The following MTUS2 variants were observed in gnomAD, a reference collection of about 807,000 sequenced individuals.
MTUS2 encodes the protein microtubule associated scaffold protein 2.
In MTUS2, 40 loss-of-function variants were observed where a neutral mutation model predicts 114.1. The ratio of observed to expected loss-of-function variants is 0.35; its 90% confidence interval spans 0.27 to 0.46. The LOEUF (loss-of-function observed/expected upper bound fraction) is 0.46, where lower values mean the gene tolerates loss of function less well. Among genes scored for constraint, MTUS2 ranks in the 20% least tolerant of loss-of-function variants. The pLI is 1.00. For missense variants in MTUS2, 1,679 were observed against 1,705.4 expected (o/e 0.98, Z 0.27); for synonymous variants, 688 against 672.0 (o/e 1.02, Z -0.37).
At chr13:29,295,953 G>T (rs1566115186) in intron 6 of MTUS2, among the ~76,000 whole-genome samples, 1 of 152,080 alleles carries the variant, frequency 6.6e-6, no homozygotes, top group Non-Finnish European at 1.5e-5. Flanking sequence ...TAACATGTGG[G>T]GATTATGGTA....
intron 5 of MTUS2, among the ~76,000 whole-genome samples, chr13:29,244,955 CAAAAAAAAA>C (rs56095961): frequency 6.3e-4 from 38 of 60,504 alleles, no homozygotes; most frequent in South Asian, 2.3e-3. Flanking sequence ...GACTCCGTCT[CAAAAAAAAA>C]AAAAAAAAAA....
At chr13:29,143,206 T>C (rs1892298131) in intron 5 of MTUS2, among the ~76,000 whole-genome samples, 1 of 152,320 alleles carries the variant, frequency 6.6e-6, no homozygotes, top group Non-Finnish European at 1.5e-5. Flanking sequence ...TGTATTTTAC[T>C]AGGTGTCAGG....
At chr13:29,104,331 G>C (rs148164416) in intron 5 of MTUS2, among the ~76,000 whole-genome samples, 1 of 152,180 alleles carries the variant, frequency 6.6e-6, no homozygotes, top group Admixed American at 6.5e-5. Flanking sequence ...TGGGTCCTGG[G>C]CTGGTGTTCT....
At chr13:29,046,834 G>GGAC (rs1359345674) in intron 4 of MTUS2, among the ~76,000 whole-genome samples, 2 of 152,078 alleles carry the variant, frequency 1.3e-5, no homozygotes, top group African/African-American at 2.4e-5. Flanking sequence ...TTCGGAAAGA[G>GGAC]GACTAACTTT....
chr13:28,918,770 CTT>C (rs1460832428), intron 2 of MTUS2, among the ~76,000 whole-genome samples: 1 of 151,742 alleles, frequency 6.6e-6, no homozygotes, highest in East Asian at 1.9e-4. Context: ...TCCTTCCTGT[CTT>C]TTAGTGAAGG....
chr13:28,962,002 G>A (rs1883349615), intron 2 of MTUS2, among the ~76,000 whole-genome samples: 1 of 151,262 alleles, frequency 6.6e-6, no homozygotes, highest in Admixed American at 6.6e-5. Context: ...GGATTGCAGA[G>A]AATAAATATT....
chr13:29,465,181 G>T (rs1879798051), intron 9 of MTUS2, among the ~76,000 whole-genome samples: 1 of 152,216 alleles, frequency 6.6e-6, no homozygotes, highest in South Asian at 2.1e-4. Flanking sequence ...AACAGTGAAT[G>T]CCTCAGCTAA....
chr13:29,176,543 G>A (rs920852933), intron 5 of MTUS2, among the ~76,000 whole-genome samples: 1 of 152,094 alleles, frequency 6.6e-6, no homozygotes, highest in Non-Finnish European at 1.5e-5. Context: ...ATTTCTCACA[G>A]TTCTAAAGGC....
chr13:29,495,012 C>T (rs916597022), intron 12 of MTUS2, among the ~76,000 whole-genome samples: 1 of 151,800 alleles, frequency 6.6e-6, no homozygotes, highest in Non-Finnish European at 1.5e-5. Flanking sequence ...TGGTAAAACC[C>T]TGTCTCTACC....
intron 8 of MTUS2, among the ~76,000 whole-genome samples, chr13:29,407,245 C>G (rs1874829814): frequency 6.6e-6 from 1 of 151,890 alleles, no homozygotes; most frequent in Admixed American, 6.6e-5. Context: ...GACTGCATCT[C>G]AAAAATAATA....
intron 11 of MTUS2, 132 bp from the exon 12 acceptor site, chr13:29,492,514 C>A: frequency 1.5e-6 from 1 of 645,286 alleles, no homozygotes; most frequent in Admixed American, 2.8e-5. Flanking sequence ...GGAGGAGTCC[C>A]CTTAGGCTTG....
At chr13:29,449,185 A>G (rs1030371652) in intron 9 of MTUS2, among the ~76,000 whole-genome samples, 8 of 134,754 alleles carry the variant, frequency 5.9e-5, no homozygotes, top group African/African-American at 3.2e-4. Flanking sequence ...AATATAAAAT[A>G]AAGATATAGA....
intron 2 of MTUS2, among the ~76,000 whole-genome samples, chr13:28,982,096 C>T (rs1884385321): frequency 6.6e-6 from 1 of 151,982 alleles, no homozygotes; most frequent in Non-Finnish European, 1.5e-5. Flanking sequence ...TGCATCTGGA[C>T]CAAGTAAAAA....
At chr13:29,029,129 C>G (rs1382477411) in intron 3 of MTUS2, among the ~76,000 whole-genome samples, 2 of 152,208 alleles carry the variant, frequency 1.3e-5, no homozygotes, top group Non-Finnish European at 2.9e-5. Context: ...CCAAATCACA[C>G]AGCTTGCTCC....
intron 12 of MTUS2, among the ~76,000 whole-genome samples, chr13:29,495,253 G>T (rs1195545710): frequency 6.7e-6 from 1 of 148,224 alleles, no homozygotes; most frequent in Non-Finnish European, 1.5e-5. Flanking sequence ...AGCTACTTGG[G>T]AGGCTGAGGC....
At chr13:29,446,494 T>C (rs1384509905) in intron 9 of MTUS2, among the ~76,000 whole-genome samples, 1 of 152,240 alleles carries the variant, frequency 6.6e-6, no homozygotes, top group Non-Finnish European at 1.5e-5. Context: ...AGCCATAAAA[T>C]GTTCTATAGT....
At chr13:28,881,967 A>C (rs1010185481) in intron 2 of MTUS2, among the ~76,000 whole-genome samples, 6 of 152,222 alleles carry the variant, frequency 3.9e-5, no homozygotes, top group African/African-American at 1.4e-4. Context: ...GAGAAAGGAT[A>C]ATCTTTTCAA....
Position 29,025,964 on chromosome 13 carries a change from G to A in MTUS2, c.1266G>A (p.Leu422=). The A allele has an allele frequency of 6.2e-7, 1 of 1,614,008 alleles. No homozygotes were observed. Among genetic ancestry groups the A allele is most frequent in the Non-Finnish European group, 8.5e-7 (1 of 1,179,884 alleles). Residue 422 remains leucine (L), a synonymous_variant, in exon 3 of 16, where the codon TTG becomes TTA. Coordinates refer to ENST00000612955, the MANE Select transcript of MTUS2 (RefSeq NM_001033602.4). Reference sequence around the variant, plus strand: ...TTTCACCATGTGCAGGTGAGAAGTTGGGTGAAAGGACATCCAGCAGCTTTT... The same window carrying A: ...TTTCACCATGTGCAGGTGAGAAGTTAGGTGAAAGGACATCCAGCAGCTTTT... ...GKISPCAGEK[L]GERTSSSFSP... is the part of the protein sequence containing the mutation.
intron 2 of MTUS2, among the ~76,000 whole-genome samples, chr13:28,985,041 T>G (rs1207789889): frequency 1.3e-5 from 2 of 152,226 alleles, no homozygotes; most frequent in African/African-American, 2.4e-5. Context: ...GTGTGGCTTT[T>G]ATTTTGGAAT....
Sources: allele counts gnomAD v4.1 joint callset (sites outside exome capture counted in the v4.1 genomes callset), GRCh38; gene constraint gnomAD v4.1.1; transcripts MANE v1.5; gene names NCBI Gene and HGNC (gene_info 2026-07-23, HGNC 2026-07-21).